The following GALNT13 variants were observed in gnomAD, a reference collection of about 807,000 sequenced individuals.
GALNT13 encodes UDP-GalNAc:polypeptide N-acetylgalactosaminyltransferase 13.
Under a neutral mutation model 64.2 loss-of-function variants are expected in GALNT13, and 28 were observed. The observed-to-expected ratio is 0.44, with a 90% CI of 0.32 to 0.60. The LOEUF (loss-of-function observed/expected upper bound fraction) is 0.60. Ranked by LOEUF, GALNT13 falls within the 20% of genes least tolerant of loss-of-function variation. The probability of loss-of-function intolerance (pLI) is 0.05; values close to 1 mark genes in which losing one functional copy is unlikely to be tolerated. For synonymous variants in GALNT13, 214 were observed against 224.6 expected, an observed-to-expected ratio of 0.95 and a Z score of 0.42; for missense variants, 577 against 669.8, an observed-to-expected ratio of 0.86 and a Z score of 1.53.
rs558333173 is a variant in GALNT13, at chr2:154,340,372, A to C, written c.1156+38783A>C. On this transcript the variant is annotated intron_variant, in intron 9 of 12. Coordinates refer to ENST00000392825, the MANE Select transcript of GALNT13 (RefSeq NM_052917.4). ...TCCTGTAGCTGGGAACTACAGGTGC[A>C]TGCCACTGTGCCTGGCCCTCCTCAT... Among the ~76,000 whole-genome samples the C allele has an allele frequency of 1.8e-3, 270 of 152,252 alleles. 1 individual carries two copies. The highest frequency in any genetic ancestry group is 6.4e-3 in the African/African-American group (266 of 41,576).
the GALNT13 span, among the ~76,000 whole-genome samples, chr2:153,280,650 A>G: frequency 6.6e-6 from 1 of 151,964 alleles, no homozygotes; most frequent in Admixed American, 6.6e-5. Context: ...AAGCTGTTTA[A>G]TTTTCATATA....
chr2:154,211,629 C>CAAAAAAAAAA (rs140095331), intron 4 of GALNT13, among the ~76,000 whole-genome samples: 46 of 37,928 alleles, frequency 1.2e-3, no homozygotes, highest in African/African-American at 1.4e-3. Flanking sequence ...ACTCCATCTC[C>CAAAAAAAAAA]AAAAAAAAAA....
chr2:153,201,501 T>C, the GALNT13 span, among the ~76,000 whole-genome samples: 34 of 152,320 alleles, frequency 2.2e-4, no homozygotes, highest in South Asian at 6.6e-3. Flanking sequence ...ATTTATGTCA[T>C]CAGCTAGTTA....
chr2:154,343,978 G>A (rs1320870094), intron 9 of GALNT13, among the ~76,000 whole-genome samples: 1 of 151,894 alleles, frequency 6.6e-6, no homozygotes, highest in Non-Finnish European at 1.5e-5. Flanking sequence ...TTCAGCAAGT[G>A]GCACCTTAGT....
intron 4 of GALNT13, among the ~76,000 whole-genome samples, chr2:154,157,200 G>T (rs1684472683): frequency 6.6e-6 from 1 of 151,928 alleles, no homozygotes; most frequent in South Asian, 2.1e-4. Context: ...ACTCCCCCTA[G>T]TCTCACCATG....
intron 9 of GALNT13, among the ~76,000 whole-genome samples, chr2:154,318,367 G>A (rs1419596777): frequency 1.3e-5 from 2 of 152,166 alleles, no homozygotes; most frequent in African/African-American, 4.8e-5. Flanking sequence ...AAAGAAGGAA[G>A]GAGTGATGAA....
chr2:153,670,521 A>T, the GALNT13 span, among the ~76,000 whole-genome samples: 8 of 152,196 alleles, frequency 5.3e-5, no homozygotes, highest in African/African-American at 1.9e-4. Context: ...CAAAAAGGAC[A>T]TCTACACCAA....
chr2:153,393,433 G>C, the GALNT13 span, among the ~76,000 whole-genome samples: 1 of 151,874 alleles, frequency 6.6e-6, no homozygotes, highest in Non-Finnish European at 1.5e-5. Flanking sequence ...TAAGAACTTA[G>C]GTTATACCCA....
chr2:154,424,563 A>G (rs1160790835), intron 11 of GALNT13, among the ~76,000 whole-genome samples: 2 of 152,068 alleles, frequency 1.3e-5, no homozygotes, highest in East Asian at 1.9e-4. Context: ...TGCTTTGCCC[A>G]TCAGTCACAT....
the GALNT13 span, among the ~76,000 whole-genome samples, chr2:153,284,005 TA>T: frequency 3.7e-4 from 56 of 151,942 alleles, no homozygotes; most frequent in Admixed American, 5.9e-4. Flanking sequence ...GCGAATGCTC[TA>T]AATACCTGCA....
chr2:153,952,455 G>A (rs912861551), intron 3 of GALNT13, among the ~76,000 whole-genome samples: 4 of 152,010 alleles, frequency 2.6e-5, no homozygotes, highest in African/African-American at 9.7e-5. Context: ...TAGTAAACCA[G>A]CTATTTTATT....
At chr2:153,404,349 C>G in the GALNT13 span, among the ~76,000 whole-genome samples, 1 of 152,164 alleles carries the variant, frequency 6.6e-6, no homozygotes, top group Non-Finnish European at 1.5e-5. Flanking sequence ...AATCAGAAAT[C>G]TTAATAACAA....
the GALNT13 span, among the ~76,000 whole-genome samples, chr2:153,824,481 G>T: frequency 6.6e-6 from 1 of 152,216 alleles, no homozygotes; most frequent in Non-Finnish European, 1.5e-5. Context: ...ATCCACATTT[G>T]TTCAGGGAGT....
At chr2:153,247,924 C>G in the GALNT13 span, among the ~76,000 whole-genome samples, 1 of 152,092 alleles carries the variant, frequency 6.6e-6, no homozygotes, top group Non-Finnish European at 1.5e-5. Flanking sequence ...TCAGAAAATA[C>G]GATAAACAGC....
At chr2:153,188,543 T>C in the GALNT13 span, among the ~76,000 whole-genome samples, 1 of 152,174 alleles carries the variant, frequency 6.6e-6, no homozygotes, top group Non-Finnish European at 1.5e-5. Flanking sequence ...CTGAGTTCAG[T>C]AACAACTACC....
chr2:153,133,979 C>T, the GALNT13 span, among the ~76,000 whole-genome samples: 1 of 152,310 alleles, frequency 6.6e-6, no homozygotes, highest in Non-Finnish European at 1.5e-5. Flanking sequence ...ATGCATATCA[C>T]TACCTATTGT....
chr2:153,883,578 G>A (rs1483215061), intron 1 of GALNT13, among the ~76,000 whole-genome samples: 2 of 152,030 alleles, frequency 1.3e-5, no homozygotes, highest in Non-Finnish European at 2.9e-5. Context: ...GAAAGACATG[G>A]CATGATGGCT....
At chr2:154,389,178 C>A (rs1296057096) in intron 9 of GALNT13, among the ~76,000 whole-genome samples, 1 of 152,104 alleles carries the variant, frequency 6.6e-6, no homozygotes, top group Non-Finnish European at 1.5e-5. Flanking sequence ...CTCTGTCACC[C>A]AGGCTGGAGA....
chr2:154,013,029 C>G (rs750821613), intron 3 of GALNT13, among the ~76,000 whole-genome samples: 22 of 149,860 alleles, frequency 1.5e-4, no homozygotes, highest in Non-Finnish European at 2.8e-4. Context: ...ATCTTCATTC[C>G]TGTGTATATT....
Sources: gnomAD v4.1 joint callset for allele counts (sites outside exome capture counted in the v4.1 genomes callset) on GRCh38, gnomAD v4.1.1 for gene constraint, MANE v1.5 for transcripts, NCBI Gene and HGNC (gene_info 2026-07-23, HGNC 2026-07-21) for gene names.